RNGTT: variants seen among roughly 807,000 people sequenced by gnomAD.
RNGTT encodes the protein RNA guanylyltransferase and 5'-phosphatase, also known as mRNA-capping enzyme.
A neutral mutation model predicts 79.3 loss-of-function variants in RNGTT; 33 were observed. That is an observed-to-expected ratio of 0.42 (90% CI 0.32 to 0.56). The LOEUF is 0.56. RNGTT is among the 20% of genes least tolerant of loss of function. The pLI, the probability that RNGTT is intolerant of heterozygous loss-of-function variation, is 0.17. For synonymous variants in RNGTT, 222 were observed against 235.9 expected, an observed-to-expected ratio of 0.94 and a Z score of 0.54; for missense variants, 497 against 739.1, an observed-to-expected ratio of 0.67 and a Z score of 3.80.
At chr6:88,614,178 C>T in intron 15 of RNGTT, 94 bp downstream of exon 15, 1 of 1,184,374 alleles carries the variant, frequency 8.4e-7, no homozygotes, top group South Asian at 1.4e-5. Flanking sequence ...TGACTATGCC[C>T]CATTAAGCAA....
chr6:88,784,219 C>A (rs988656292), intron 12 of RNGTT, among the ~76,000 whole-genome samples: 1 of 152,088 alleles, frequency 6.6e-6, no homozygotes, highest in African/African-American at 2.4e-5. Context: ...TTCAGATTGC[C>A]CACACGTACA....
At chr6:88,886,121 C>T (rs59119332) in intron 8 of RNGTT, among the ~76,000 whole-genome samples, 2,859 of 152,158 alleles carry the variant, frequency 0.019, 83 homozygotes, top group African/African-American at 0.065. Flanking sequence ...CTGGCTAACA[C>T]GTTGAAACTC....
At chr6:88,865,732 T>A (rs942319728) in intron 8 of RNGTT, among the ~76,000 whole-genome samples, 3 of 152,144 alleles carry the variant, frequency 2.0e-5, no homozygotes, top group African/African-American at 7.2e-5. Context: ...GCTTGTTTTC[T>A]AAACATTAGA....
intron 1 of RNGTT, among the ~76,000 whole-genome samples, chr6:88,950,862 T>G (rs199848391): frequency 1.5e-5 from 1 of 64,692 alleles, no homozygotes; most frequent in Non-Finnish European, 3.3e-5. Flanking sequence ...CTGTTTTTGG[T>G]TTTTTTTTTT....
intron 13 of RNGTT, among the ~76,000 whole-genome samples, chr6:88,738,270 A>G (rs1201505664): frequency 6.6e-6 from 1 of 152,178 alleles, no homozygotes; most frequent in Non-Finnish European, 1.5e-5. Context: ...CACAACTGGC[A>G]ATGTCATTAA....
At chr6:88,665,957 G>A (rs960853376) in intron 14 of RNGTT, among the ~76,000 whole-genome samples, 7 of 152,320 alleles carry the variant, frequency 4.6e-5, no homozygotes, top group Middle Eastern at 3.4e-3. Flanking sequence ...TTTACTATCC[G>A]ACAGCGGGAG....
At chr6:88,641,446 A>G (rs1210907429) in intron 14 of RNGTT, among the ~76,000 whole-genome samples, 6 of 152,188 alleles carry the variant, frequency 3.9e-5, no homozygotes. Flanking sequence ...TGCTGTAGAG[A>G]CAAGCAAAGG....
At chr6:88,843,131 A>C (rs1215862591) in intron 11 of RNGTT, among the ~76,000 whole-genome samples, 2 of 144,028 alleles carry the variant, frequency 1.4e-5, no homozygotes, top group South Asian at 2.2e-4. Flanking sequence ...ATTACAATAC[A>C]CTGCCTTGCC....
In RNGTT at chr6:88,618,255, T is replaced by C. The variant is rs1354056261; in HGVS notation, c.1507-3860A>G. On this transcript the variant is annotated intron_variant, in intron 14 of 15. Transcript: ENST00000369485. ...AGAACAATACATCATTCTTCATTGA[T>C]CACACCAGTTATAGTCCCAAGATAG... Among the ~76,000 whole-genome samples the C allele has an allele frequency of 3.3e-5, 5 of 152,226 alleles. No homozygotes were observed. The East Asian group carries it at 9.6e-4, about 29-fold the overall frequency.
At chr6:88,672,996 T>C (rs1232049819) in intron 14 of RNGTT, among the ~76,000 whole-genome samples, 2 of 152,234 alleles carry the variant, frequency 1.3e-5, no homozygotes, top group African/African-American at 2.4e-5. Flanking sequence ...TCTGAATTCA[T>C]TTAACATGTG....
intron 14 of RNGTT, among the ~76,000 whole-genome samples, chr6:88,636,634 A>G (rs182495561): frequency 0.012 from 1,809 of 145,026 alleles, 31 homozygotes; most frequent in African/African-American, 0.043. Flanking sequence ...GTTTAAGGGG[A>G]AAAAAAAAAA....
chr6:88,954,312 A>G (rs946723712), intron 1 of RNGTT, among the ~76,000 whole-genome samples: 9 of 152,222 alleles, frequency 5.9e-5, no homozygotes, highest in Non-Finnish European at 1.0e-4. Context: ...ACAACTGGAA[A>G]TCAAAAGCGG....
At chr6:88,768,158 G>T (rs552543921) in intron 13 of RNGTT, among the ~76,000 whole-genome samples, 1 of 151,794 alleles carries the variant, frequency 6.6e-6, no homozygotes, top group East Asian at 1.9e-4. Context: ...GTGTGTGTGT[G>T]TGTTTCTTTT....
intron 11 of RNGTT, among the ~76,000 whole-genome samples, 178 bp from the exon 12 acceptor site, chr6:88,801,810 TACACACACACAGACACACACACACACAC>T (rs1266223288): frequency 1.4e-5 from 2 of 138,356 alleles, no homozygotes; most frequent in South Asian, 2.3e-4. Context: ...AAGATTTGAA[TACACACACACAGACACACACACACACAC>T]ACACACACAC....
chr6:88,944,394 T>A (rs1352330314), intron 1 of RNGTT, among the ~76,000 whole-genome samples: 2 of 152,208 alleles, frequency 1.3e-5, no homozygotes. Flanking sequence ...CCTCTCCACC[T>A]TTAGGCAGAA....
Position 88,921,018 on chromosome 6 carries a change from T to C in RNGTT, c.367+7967A>G, listed in dbSNP as rs9444655. On this transcript the variant is annotated intron_variant, in intron 4 of 15. Coordinates refer to ENST00000369485, the MANE Select transcript of RNGTT (RefSeq NM_003800.5). ...TCTTATAGTATTACTGTAGAGACAA[T>C]AACAGAAACTAGTCTCAGAACTGAT... Among the ~76,000 whole-genome samples, 1,174 of 152,276 alleles carry C rather than the reference T, an allele frequency of 7.7e-3. 8 individuals are homozygous for C. The highest frequency in any genetic ancestry group is 0.026 in the African/African-American group (1,086 of 41,556).
At chr6:88,839,584 A>G (rs1357672348) in intron 11 of RNGTT, among the ~76,000 whole-genome samples, 1 of 152,180 alleles carries the variant, frequency 6.6e-6, no homozygotes, top group Non-Finnish European at 1.5e-5. Context: ...AAAAGAAAAA[A>G]AAATCATCAC....
intron 12 of RNGTT, among the ~76,000 whole-genome samples, chr6:88,791,140 CTTTTTT>C (rs66559856): frequency 8.3e-6 from 1 of 120,802 alleles, no homozygotes; most frequent in Non-Finnish European, 1.8e-5. Context: ...TCACAAGTAC[CTTTTTT>C]TTTTTTTTTT....
intron 13 of RNGTT, among the ~76,000 whole-genome samples, chr6:88,696,064 T>G (rs1775652511): frequency 6.6e-6 from 1 of 151,986 alleles, no homozygotes; most frequent in African/African-American, 2.4e-5. Flanking sequence ...AAGAAAAAGG[T>G]TTTTGGGATA....
Sources: allele counts gnomAD v4.1 joint callset (sites outside exome capture counted in the v4.1 genomes callset), GRCh38; gene constraint gnomAD v4.1.1; transcripts MANE v1.5; gene names NCBI Gene and HGNC (gene_info 2026-07-23, HGNC 2026-07-21).